HDGFL2: variants seen among roughly 807,000 people sequenced by gnomAD.
HDGFL2 encodes the protein hepatoma-derived growth factor-related protein 2.
Under a neutral mutation model 77.1 loss-of-function variants are expected in HDGFL2, and 36 were observed. The ratio of observed to expected loss-of-function variants is 0.47; its 90% confidence interval spans 0.36 to 0.62. HDGFL2 has a LOEUF of 0.62. Ranked by LOEUF, HDGFL2 falls within the 20% of genes least tolerant of loss-of-function variation. HDGFL2 has a pLI of 0.00. For missense variants in HDGFL2, 976 were observed against 973.4 expected, an observed-to-expected ratio of 1.00 and a Z score of -0.04; for synonymous variants, 463 against 413.1, an observed-to-expected ratio of 1.12 and a Z score of -1.46.
intron 8 of HDGFL2, 50 bp downstream of exon 8, chr19:4,494,107 G>A: frequency 6.6e-7 from 1 of 1,515,478 alleles, no homozygotes; most frequent in Admixed American, 2.2e-5. Context: ...ATCGGCTGAG[G>A]GGCAGGGCGG....
chr19:4,501,000 G>A lies in HDGFL2; in HGVS notation c.1790-191G>A, dbSNP rs559316700. Among the ~76,000 whole-genome samples the A allele has an allele frequency of 7.2e-5, 11 of 152,312 alleles. No homozygotes were observed. In the South Asian group the frequency reaches 1.9e-3, roughly 26 times the overall value. On this transcript the variant is annotated intron_variant, in intron 14 of 15. Coordinates refer to ENST00000616600, the MANE Select transcript of HDGFL2 (RefSeq NM_001001520.3). ...CCAGTTCTGCAGGCCAGTGTGGCTC[G>A]GGCTGGGGCTGGCTGCAGCATCCCA...
chr19:4,474,980 C>T (rs1975034440), intron 1 of HDGFL2: 1 of 369,826 alleles, frequency 2.7e-6, no homozygotes. Flanking sequence ...AGACGCTGAG[C>T]TTGGCCCCAC....
chr19:4,490,559 G>A (rs2145190174), intron 4 of HDGFL2, among the ~76,000 whole-genome samples: 1 of 152,300 alleles, frequency 6.6e-6, no homozygotes, highest in East Asian at 1.9e-4. Flanking sequence ...CCATTCTCCT[G>A]GGTATATTCT....
rs61585646 is a variant in HDGFL2, at chr19:4,489,409, A to ATT, written c.489+545_489+546dup. Reference sequence around the variant, plus strand: ...CTGGGATTATGGGCACCACCACCATATTTTTTTTTTTTTGAGACGGAGTCT... The same window carrying ATT: ...CTGGGATTATGGGCACCACCACCATATTTTTTTTTTTTTTTGAGACGGAGTCT... On this transcript the variant is annotated intron_variant, in intron 4 of 15. Coordinates refer to ENST00000616600, the MANE Select transcript of HDGFL2 (RefSeq NM_001001520.3). Among the ~76,000 whole-genome samples, 293 of 143,252 alleles carry ATT rather than the reference A, an allele frequency of 2.0e-3. 1 individual carries two copies. The highest frequency in any genetic ancestry group is 5.7e-3 in the African/African-American group (225 of 39,466). The allele number at this position is 143,252 out of a possible 152,430, so 94.0% of individuals were successfully genotyped here.
chr19:4,497,877 G>C (rs1042488788), intron 10 of HDGFL2, 81 bp from the exon 11 acceptor site: 2 of 1,275,690 alleles, frequency 1.6e-6, no homozygotes, highest in African/African-American at 3.0e-5. Context: ...CAGTGGGTTT[G>C]GGTCCACCCC....
chr19:4,482,774 C>T (rs1351257068), intron 3 of HDGFL2, among the ~76,000 whole-genome samples: 1 of 152,200 alleles, frequency 6.6e-6, no homozygotes, highest in African/African-American at 2.4e-5. Context: ...CTTTTTTCCT[C>T]ATCTGCAGAA....
chr19:4,494,390 C>T lies in HDGFL2; in HGVS notation c.1139C>T (p.Pro380Leu), dbSNP rs776065584. ...SGDELREDDE[P>L]VKKRGRKGRG... ...GACGAGCTCAGGGAGGACGATGAGC[C>T]CGTCAAGAAGCGGGGACGCAAGGGC... The change falls in exon 9 of 16, where the codon CCC becomes CTC. Residue 380 changes from proline (P) to leucine (L), a missense_variant. Transcript: ENST00000616600. 17 of 1,404,498 alleles carry T rather than the reference C, an allele frequency of 1.2e-5. No homozygotes were observed. The highest frequency in any genetic ancestry group is 1.6e-5 in the Non-Finnish European group (17 of 1,083,832). 87.0% of individuals were successfully genotyped at this position (1,404,498 alleles called of 1,614,324 possible). A position where few individuals can be genotyped will look rare whatever the true frequency, so the allele number is the denominator to read the frequency against.
intron 3 of HDGFL2, among the ~76,000 whole-genome samples, chr19:4,483,305 GCACGGAGGCT>G (rs1975269312): frequency 6.6e-6 from 1 of 152,122 alleles, no homozygotes; most frequent in African/African-American, 2.4e-5. Flanking sequence ...GCGGCTGTGC[GCACGGAGGCT>G]GGTGTGCGCC....
chr19:4,484,616 C>T (rs1174848507), intron 3 of HDGFL2, among the ~76,000 whole-genome samples: 3 of 150,916 alleles, frequency 2.0e-5, no homozygotes, highest in Non-Finnish European at 2.9e-5. Context: ...TCTCCTGCCT[C>T]AGCCTCCTGA....
intron 3 of HDGFL2, among the ~76,000 whole-genome samples, chr19:4,481,477 A>T (rs1315927085): frequency 1.3e-5 from 2 of 150,304 alleles, no homozygotes; most frequent in African/African-American, 2.5e-5. Flanking sequence ...GGCTTGAGCC[A>T]CCGCGCCCGG....
intron 15 of HDGFL2, chr19:4,501,679 G>GTCAC (rs1336830034): frequency 2.0e-6 from 1 of 500,364 alleles, no homozygotes; most frequent in Non-Finnish European, 3.5e-6. Context: ...GCTCAGTGGA[G>GTCAC]TCACTCACTT....
At chr19:4,501,598 G>T (rs372348312) in intron 15 of HDGFL2, 79 of 477,946 alleles carry the variant, frequency 1.7e-4, no homozygotes, top group African/African-American at 1.4e-3. Flanking sequence ...AGGTAGGTAG[G>T]CCCCGAGCAC....
intron 4 of HDGFL2, among the ~76,000 whole-genome samples, chr19:4,489,143 G>A (rs1203471758): frequency 1.3e-5 from 2 of 151,616 alleles, no homozygotes; most frequent in Admixed American, 6.6e-5. Flanking sequence ...TGTTAGAGAC[G>A]GGGATTCACC....
At chr19:4,502,204 A>AAAAG in exon 16 of HDGFL2, 1 of 670,412 alleles carries the variant, frequency 1.5e-6, no homozygotes, top group Non-Finnish European at 2.7e-6. Flanking sequence ...TTTTAATGAA[A>AAAAG]AAAGAAATCA....
chr19:4,493,607 G>A, intron 6 of HDGFL2, 96 bp from the exon 7 acceptor site: 1 of 1,287,980 alleles, frequency 7.8e-7, no homozygotes, highest in South Asian at 2.8e-5. Context: ...GCAGAGCCTG[G>A]CGGCTGCAGG....
In HDGFL2 at chr19:4,494,475, G is replaced by C; in HGVS notation, c.1224G>C (p.Glu408Asp). ...DSEPEAELEREAKKSAKKPQS... is the reference protein window; with the variant it reads ...DSEPEAELERDAKKSAKKPQS... The stretch of plus-strand genomic sequence containing the variant: ...AGCCCGAGGCCGAGCTGGAGAGAGA[G>C]GTGAGCCGGGAGGGCGCCGGGAGTC... Residue 408 changes from glutamate to aspartate, a missense_variant and splice_region_variant, in exon 9 of 16, where the codon GAG (glutamate) becomes GAC (aspartate). Transcript: ENST00000616600. 1 of 1,382,428 alleles carries C rather than the reference G, an allele frequency of 7.2e-7. No homozygotes were observed. Among genetic ancestry groups the C allele is most frequent in the Non-Finnish European group, 9.3e-7 (1 of 1,072,224 alleles). 85.6% of individuals were successfully genotyped at this position (1,382,428 alleles called of 1,614,324 possible).
intron 1 of HDGFL2, among the ~76,000 whole-genome samples, chr19:4,474,682 T>C (rs1975025930): frequency 6.6e-6 from 1 of 152,048 alleles, no homozygotes; most frequent in Non-Finnish European, 1.5e-5. Context: ...CACTCGCTTT[T>C]CTCTCCCCCG....
chr19:4,501,815 G>A (rs1054960085), intron 15 of HDGFL2, 96 bp from the exon 16 acceptor site: 3 of 874,970 alleles, frequency 3.4e-6, no homozygotes, highest in African/African-American at 1.8e-5. Context: ...GTGCCACAAC[G>A]GGGGTACACT....
chr19:4,501,460 A>C (rs759261203), intron 15 of HDGFL2, 143 bp downstream of exon 15: 2 of 989,640 alleles, frequency 2.0e-6, no homozygotes, highest in Non-Finnish European at 2.8e-6. Context: ...CCACCTTCAC[A>C]GCTGACCCCA....
Sources: allele counts gnomAD v4.1 joint callset (sites outside exome capture counted in the v4.1 genomes callset), GRCh38; gene constraint gnomAD v4.1.1; transcripts MANE v1.5; gene names NCBI Gene and HGNC (gene_info 2026-07-23, HGNC 2026-07-21).